Variants in ACTR1B observed in about 807,000 individuals in gnomAD.
ACTR1B encodes the protein actin related protein 1B, also known as beta-centractin.
Under a neutral mutation model 49.4 loss-of-function variants are expected in ACTR1B, and 34 were observed. The ratio of observed to expected loss-of-function variants is 0.69; its 90% CI spans 0.52 to 0.92. The LOEUF (loss-of-function observed/expected upper bound fraction) is 0.92, where lower values mean the gene tolerates loss of function less well. ACTR1B is among the 40% of genes least tolerant of loss of function. ACTR1B has a pLI of 0.00. For missense variants in ACTR1B, 471 were observed against 522.4 expected (o/e 0.90, Z 0.96); for synonymous variants, 207 against 207.8 (o/e 1.00, Z 0.03).
At position 97,656,048 on chromosome 2, in the gene ACTR1B, G is replaced by A. The variant is rs1674826929; in HGVS notation, c.*810C>T. ...GTTAAATTATTGTACATATCTGAGA[G>A]AGGGAGGTGGGGCCCTGGCCACAGC... On this transcript the variant is annotated 3_prime_UTR_variant, in exon 11 of 11. Coordinates refer to ENST00000289228, the MANE Select transcript of ACTR1B (RefSeq NM_005735.4). The A allele has an allele frequency of 6.6e-6, 1 of 152,212 alleles. No homozygotes were observed. The highest frequency in any genetic ancestry group is 1.5e-5 in the Non-Finnish European group (1 of 68,046). 9.4% of individuals were successfully genotyped at this position (152,212 alleles called of 1,614,324 possible). A position where few individuals can be genotyped will look rare whatever the true frequency, so the allele number is the denominator to read the frequency against.
At position 97,658,943 on chromosome 2, in the gene ACTR1B, C is replaced by T; in HGVS notation, c.376G>A (p.Glu126Lys). 1 of 1,614,200 alleles carries T rather than the reference C, an allele frequency of 6.2e-7. No homozygotes were observed. The highest frequency in any genetic ancestry group is 8.5e-7 in the Non-Finnish European group (1 of 1,180,024). ...NPSKNREKAA[E>K]VFFETFNVPA... Reference sequence around the variant, plus strand: ...ACGTTGAAGGTCTCAAAGAACACCTCTGCCGCCTTCTCCCGGTTCTTACTC... The same window carrying T: ...ACGTTGAAGGTCTCAAAGAACACCTTTGCCGCCTTCTCCCGGTTCTTACTC... The change falls in exon 5 of 11, where the codon GAG (glutamate) becomes AAG (lysine). Residue 126 changes from glutamate (E) to lysine (K), a missense_variant. By Grantham distance (56) the Glu-to-Lys change is moderately conservative. Coordinates refer to ENST00000289228, the MANE Select transcript of ACTR1B (RefSeq NM_005735.4). The surrounding 1 kb of genome is among the most constrained non-coding windows in gnomAD (Gnocchi z 5.9).
At chr2:97,657,769 C>T (rs1366701627) in intron 8 of ACTR1B, among the ~76,000 whole-genome samples, 174 bp downstream of exon 8, 1 of 152,238 alleles carries the variant, frequency 6.6e-6, no homozygotes, top group East Asian at 1.9e-4. Context: ...GTAAACTTCT[C>T]CTCTATTCAC....
At chr2:97,657,009 C>T (rs539608287) in intron 10 of ACTR1B, 49 bp from the exon 11 acceptor site, 1 of 1,574,818 alleles carries the variant, frequency 6.3e-7, no homozygotes, top group Non-Finnish European at 8.7e-7. Flanking sequence ...AGGGAGCCAA[C>T]CACCTTCCTG....
chr2:97,663,939 G>T lies in ACTR1B; in HGVS notation c.-49C>A. The stretch of plus-strand genomic sequence containing the variant: ...CAGCAGGCGGGCTGCAGGAGGCACC[G>T]GATGGGCGGGCGGGCGGGAGGACCG... On this transcript the variant is annotated 5_prime_UTR_variant, in exon 1 of 11. Transcript: ENST00000289228. The T allele has an allele frequency of 2.0e-6, 2 of 1,015,918 alleles. No individual in the cohort carries two copies. The highest frequency in any genetic ancestry group is 2.6e-6 in the Non-Finnish European group (2 of 776,886). The allele number at this position is 1,015,918 out of a possible 1,614,324, so 62.9% of individuals were successfully genotyped here.
At chr2:97,657,814 G>GT (rs1328443699) in intron 8 of ACTR1B, 129 bp downstream of exon 8, 1 of 1,189,280 alleles carries the variant, frequency 8.4e-7, no homozygotes, top group African/African-American at 1.5e-5. Flanking sequence ...ATTTTGGTCT[G>GT]TTAAAAAAAA....
chr2:97,657,834 A>G, intron 8 of ACTR1B, 109 bp downstream of exon 8: 2 of 1,340,280 alleles, frequency 1.5e-6, no homozygotes, highest in Non-Finnish European at 2.1e-6. Flanking sequence ...ATGTTCATTG[A>G]GCACCACCAA....
chr2:97,663,517 G>A (rs1301577835), intron 1 of ACTR1B, among the ~76,000 whole-genome samples: 1 of 152,206 alleles, frequency 6.6e-6, no homozygotes, highest in African/African-American at 2.4e-5. Context: ...AACCTGCCCA[G>A]GAACCGCACT....
In ACTR1B at chr2:97,659,385, G is replaced by A. The variant is rs1454249674; in HGVS notation, c.282C>T (p.Tyr94=). Reference sequence around the variant, plus strand: ...AGAAGGTCTGCAGCTGATCCTTGGAGTAGACGTACTGCCAGATGCGTTCCA... The same window carrying A: ...AGAAGGTCTGCAGCTGATCCTTGGAATAGACGTACTGCCAGATGCGTTCCA... ...NDMERIWQYV[Y]SKDQLQTFSE... is the part of the protein sequence containing the mutation. Residue 94 remains tyrosine (Y), a synonymous_variant, in exon 4 of 11, where the codon TAC becomes TAT. Transcript: ENST00000289228. The surrounding 1 kb of genome is among the most constrained non-coding windows in gnomAD (Gnocchi z 4.0). 6.2e-7 allele frequency: 1 copy of A among 1,614,076 alleles called. No homozygotes were observed. Among genetic ancestry groups the A allele is most frequent in the East Asian group, 2.2e-5 (1 of 44,878 alleles).
chr2:97,662,045 G>C, intron 1 of ACTR1B, 99 bp from the exon 2 acceptor site: 1 of 1,260,696 alleles, frequency 7.9e-7, no homozygotes. Context: ...GGCAGGCCAA[G>C]GAGGAAGCCA....
Position 97,658,223 on chromosome 2 carries a change from C to A in ACTR1B, c.750+1G>T. On this transcript the variant is annotated splice_donor_variant, in intron 7 of 10. Coordinates refer to ENST00000289228, the MANE Select transcript of ACTR1B (RefSeq NM_005735.4). LOFTEE classifies it high-confidence loss of function. The surrounding 1 kb of genome is among the most constrained non-coding windows in gnomAD (Gnocchi z 5.9). Reference sequence around the variant, plus strand: ...CTCCAGTGCCAGGCCCGGCCACTTACATCAAGCGTGCTGCCGTCTGGCAAC... The same window carrying A: ...CTCCAGTGCCAGGCCCGGCCACTTAAATCAAGCGTGCTGCCGTCTGGCAAC... The A allele has an allele frequency of 6.2e-7, 1 of 1,614,106 alleles. No individual in the cohort carries two copies. The highest frequency in any genetic ancestry group is 8.5e-7 in the Non-Finnish European group (1 of 1,180,000).
chr2:97,656,655 T>C lies in ACTR1B; in HGVS notation c.*203A>G. The C allele has an allele frequency of 1.7e-6, 1 of 574,200 alleles. No homozygotes were observed. Among genetic ancestry groups the C allele is most frequent in the South Asian group, 2.1e-5 (1 of 47,622 alleles). 35.6% of individuals were successfully genotyped at this position (574,200 alleles called of 1,614,324 possible). A position where few individuals can be genotyped will look rare whatever the true frequency, so the allele number is the denominator to read the frequency against. On this transcript the variant is annotated 3_prime_UTR_variant, in exon 11 of 11. Transcript: ENST00000289228. ...TTCCCACACGCCAGCTCAAGGCTCCTGTCCATGCAGCTCAATGTTACTTGT... is the reference window on the plus strand; with the variant it reads ...TTCCCACACGCCAGCTCAAGGCTCCCGTCCATGCAGCTCAATGTTACTTGT...
Position 97,659,447 on chromosome 2 carries a change from G to A in ACTR1B, c.220C>T (p.Pro74Ser), listed in dbSNP as rs777336434. The change falls in exon 4 of 11, where the codon CCC becomes TCC. Residue 74 changes from proline to serine, a missense_variant. Pro to Ser is a moderately conservative substitution (Grantham distance 74). Coordinates refer to ENST00000289228, the MANE Select transcript of ACTR1B (RefSeq NM_005735.4). The surrounding 1 kb of genome is among the most constrained non-coding windows in gnomAD (Gnocchi z 4.0). Reference sequence around the variant, plus strand: ...TCTCGCACCACGCCGTGCTCCATGGGGTAGCGGATGGTCAGCAGCCCCCGG... The same window carrying A: ...TCTCGCACCACGCCGTGCTCCATGGAGTAGCGGATGGTCAGCAGCCCCCGG... ...EHRGLLTIRY[P>S]MEHGVVRDWN... 8.1e-6 allele frequency: 13 copies of A among 1,613,808 alleles called. No homozygotes were observed. The highest frequency in any genetic ancestry group is 6.7e-5 in the East Asian group (3 of 44,890).
Position 97,658,038 on chromosome 2 carries a change from T to A in ACTR1B, c.830A>T (p.Glu277Val), listed in dbSNP as rs1213567100. The change falls in exon 8 of 11, where the codon GAG becomes GTG. Residue 277 changes from glutamate (E) to valine (V), a missense_variant. Coordinates refer to ENST00000289228, the MANE Select transcript of ACTR1B (RefSeq NM_005735.4). This position sits in a 1 kb window ranked among gnomAD's most constrained non-coding sequence, Gnocchi z 5.9. The part of the protein sequence containing the change: ...LVGDESEGLH[E>V]VVAFAIHKSD... ...CTTGTGTATGGCGAAGGCCACCACC[T>A]CATGGAGCCCCTCACTCTCATCCCC... is the stretch of plus-strand genomic sequence containing the variant. 1.2e-6 allele frequency: 2 copies of A among 1,614,106 alleles called. No individual in the cohort carries two copies. Among genetic ancestry groups the A allele is most frequent in the Admixed American group, 3.3e-5 (2 of 60,030 alleles).
intron 2 of ACTR1B, among the ~76,000 whole-genome samples, chr2:97,660,922 G>C (rs1218372393): frequency 6.6e-6 from 1 of 152,190 alleles, no homozygotes; most frequent in Non-Finnish European, 1.5e-5. Flanking sequence ...AGCCCTTGCA[G>C]AGGGTCGGCT....
rs757964878 is a variant in ACTR1B at position 97,659,446 on chromosome 2, G to T, written c.221C>A (p.Pro74His). ...EHRGLLTIRY[P>H]MEHGVVRDWN... ...GTCTCGCACCACGCCGTGCTCCATG[G>T]GGTAGCGGATGGTCAGCAGCCCCCG... The change falls in exon 4 of 11, where the codon CCC (proline) becomes CAC (histidine). Residue 74 changes from proline to histidine, a missense_variant. Coordinates refer to ENST00000289228, the MANE Select transcript of ACTR1B (RefSeq NM_005735.4). This position sits in a 1 kb window ranked among gnomAD's most constrained non-coding sequence, Gnocchi z 4.0. 1.2e-6 allele frequency: 2 copies of T among 1,613,960 alleles called. No homozygotes were observed. The highest frequency in any genetic ancestry group is 2.2e-5 in the South Asian group (2 of 91,088).
rs545934542 is a variant in ACTR1B at position 97,660,393 on chromosome 2, T to A, written c.189+178A>T. 3.9e-5 allele frequency among the ~76,000 whole-genome samples: 6 copies of A among 152,358 alleles called. No individual in the cohort carries two copies. The East Asian group carries it at 1.2e-3, about 29-fold the overall frequency. On this transcript the variant is annotated intron_variant, in intron 3 of 10. Coordinates refer to ENST00000289228, the MANE Select transcript of ACTR1B (RefSeq NM_005735.4). Reference sequence around the variant, plus strand: ...GACAGGACACGATGAGCTCTACCCATGCTCCCTAGAAGAGGAACTGCTGCC... The same window carrying A: ...GACAGGACACGATGAGCTCTACCCAAGCTCCCTAGAAGAGGAACTGCTGCC...
rs1444865082 is a variant in ACTR1B at position 97,656,066 on chromosome 2, G to A, written c.*792C>T. The A allele has an allele frequency of 6.6e-6, 1 of 152,184 alleles. No individual in the cohort carries two copies. The highest frequency in any genetic ancestry group is 1.5e-5 in the Non-Finnish European group (1 of 68,034). 9.4% of individuals were successfully genotyped at this position (152,184 alleles called of 1,614,324 possible). ...TCTGAGAGAGGGAGGTGGGGCCCTG[G>A]CCACAGCAAAAGTGACGACCTCTTT... On this transcript the variant is annotated 3_prime_UTR_variant, in exon 11 of 11. Coordinates refer to ENST00000289228, the MANE Select transcript of ACTR1B (RefSeq NM_005735.4).
chr2:97,662,730 A>G (rs1675053634), intron 1 of ACTR1B, among the ~76,000 whole-genome samples: 1 of 152,202 alleles, frequency 6.6e-6, no homozygotes, highest in Non-Finnish European at 1.5e-5. Context: ...GTTACAGAGG[A>G]GGGGATGGAA....
rs1351399161 is a variant in ACTR1B at position 97,656,405 on chromosome 2, T to C, written c.*453A>G. 4.6e-6 allele frequency: 1 copy of C among 217,932 alleles called. No individual in the cohort carries two copies. Among genetic ancestry groups the C allele is most frequent in the Non-Finnish European group, 9.3e-6 (1 of 107,208 alleles). 13.5% of individuals were successfully genotyped at this position (217,932 alleles called of 1,614,324 possible). ...GGAGGACAGAGTGTGAAAGGGGCTGTGTCACCCTGTCAGGTCACGAACAGG... is the reference window on the plus strand; with the variant it reads ...GGAGGACAGAGTGTGAAAGGGGCTGCGTCACCCTGTCAGGTCACGAACAGG... On this transcript the variant is annotated 3_prime_UTR_variant, in exon 11 of 11. Transcript: ENST00000289228.
Sources: gnomAD v4.1 joint callset for allele counts (sites outside exome capture counted in the v4.1 genomes callset) on GRCh38, gnomAD v4.1.1 for gene constraint, Gnocchi (gnomAD v3.1) non-coding constraint, MANE v1.5 for transcripts, NCBI Gene and HGNC (gene_info 2026-07-23, HGNC 2026-07-21) for gene names.